Variants in ZC3H14 observed in about 807,000 individuals in gnomAD.
ZC3H14 encodes the protein zinc finger CCCH-type containing 14.
A neutral mutation model predicts 92.4 loss-of-function variants in ZC3H14; 31 were observed. The observed-to-expected ratio is 0.34, with a 90% CI of 0.25 to 0.45. The LOEUF is 0.45. Among genes scored for constraint, ZC3H14 ranks in the 20% least tolerant of loss-of-function variants. ZC3H14 has a pLI of 1.00. For missense variants in ZC3H14, 781 were observed against 897.3 expected, an observed-to-expected ratio of 0.87 and a Z score of 1.66; for synonymous variants, 321 against 300.9, an observed-to-expected ratio of 1.07 and a Z score of -0.69.
intron 3 of ZC3H14, among the ~76,000 whole-genome samples, chr14:88,570,461 G>A (rs1483466575): frequency 6.6e-6 from 1 of 152,194 alleles, no homozygotes; most frequent in Non-Finnish European, 1.5e-5. Flanking sequence ...ATATAGCATA[G>A]TTTGAGATTA....
Position 88,627,039 on chromosome 14 carries a change from T to C in ZC3H14, c.*15288T>C. 1 of 1,613,768 alleles carries C rather than the reference T, an allele frequency of 6.2e-7. No homozygotes were observed. The highest frequency in any genetic ancestry group is 1.7e-5 in the Admixed American group (1 of 60,008). Reference sequence around the variant, plus strand: ...GATTGTGACCAGCTCTGCTGGCAATTTTGGCACCTGACAAGATACAACAAA... The same window carrying C: ...GATTGTGACCAGCTCTGCTGGCAATCTTGGCACCTGACAAGATACAACAAA... On this transcript the variant is annotated 3_prime_UTR_variant, in exon 17 of 17. Coordinates refer to ENST00000251038, the MANE Select transcript of ZC3H14 (RefSeq NM_024824.5).
In ZC3H14 at chr14:88,618,074, G is replaced by C. The variant is rs1291547500; in HGVS notation, c.*6323G>C. The C allele has an allele frequency of 2.2e-6, 1 of 452,002 alleles. No individual in the cohort carries two copies. Among genetic ancestry groups the C allele is most frequent in the Non-Finnish European group, 3.8e-6 (1 of 259,798 alleles). 28.0% of individuals were successfully genotyped at this position (452,002 alleles called of 1,614,324 possible). A position where few individuals can be genotyped will look rare whatever the true frequency, so the allele number is the denominator to read the frequency against. On this transcript the variant is annotated 3_prime_UTR_variant, in exon 17 of 17. Transcript: ENST00000251038. ...CATGGAAATATATTCAATAAAAAGG[G>C]GTCCCAACATGAACATACCATTTCA...
chr14:88,595,125 A>G (rs551057447), intron 9 of ZC3H14: 1 of 1,605,486 alleles, frequency 6.2e-7, no homozygotes, highest in East Asian at 2.2e-5. Flanking sequence ...AACTCTTAAT[A>G]TATGATATGT....
intron 9 of ZC3H14, among the ~76,000 whole-genome samples, chr14:88,581,224 G>A (rs1404516970): frequency 1.3e-5 from 2 of 152,162 alleles, no homozygotes; most frequent in Admixed American, 6.5e-5. Context: ...ATCATCTGTA[G>A]TTCCCAGATT....
Position 88,615,270 on chromosome 14 carries a change from A to G in ZC3H14, c.*3519A>G, listed in dbSNP as rs2087419019. ...AGGACCTTATTAATGCCTAAAAAAC[A>G]TCATATTCTCTAGGAAAGCTTGTGT... On this transcript the variant is annotated 3_prime_UTR_variant, in exon 17 of 17. Coordinates refer to ENST00000251038, the MANE Select transcript of ZC3H14 (RefSeq NM_024824.5). The G allele has an allele frequency of 6.6e-6, 1 of 152,216 alleles. No homozygotes were observed. The highest frequency in any genetic ancestry group is 2.4e-5 in the African/African-American group (1 of 41,430). The allele number at this position is 152,216 out of a possible 1,614,324, so 9.4% of individuals were successfully genotyped here.
In ZC3H14 at chr14:88,622,623, C is replaced by T. The variant is rs2089207965; in HGVS notation, c.*10872C>T. The T allele has an allele frequency of 4.4e-6, 7 of 1,608,044 alleles. No individual in the cohort carries two copies. The highest frequency in any genetic ancestry group is 1.7e-5 in the Admixed American group (1 of 59,236). On this transcript the variant is annotated 3_prime_UTR_variant, in exon 17 of 17. Transcript: ENST00000251038. Reference sequence around the variant, plus strand: ...TCTTACTTTGCCTCTGCACACAGAACGAACACAATCTGTGGCTTGTCCTGT... The same window carrying T: ...TCTTACTTTGCCTCTGCACACAGAATGAACACAATCTGTGGCTTGTCCTGT...
At chr14:88,602,287 A>G (rs1696805290) in intron 11 of ZC3H14, among the ~76,000 whole-genome samples, 3 of 152,198 alleles carry the variant, frequency 2.0e-5, no homozygotes, top group Admixed American at 2.0e-4. Context: ...CCATTAACCT[A>G]CAAATTACAA....
chr14:88,572,878 C>G lies in ZC3H14; in HGVS notation c.732C>G (p.Ala244=). The change falls in exon 6 of 17, where the codon GCC becomes GCG. Residue 244 remains alanine, a synonymous_variant. Transcript: ENST00000251038. ...AGCAGCAGAATAGTATTCATGCTGC[C>G]AAGCAGCTTGATATGCAGAGTAGTT... ...FQQQQNSIHA[A]KQLDMQSSWV... 6.2e-7 allele frequency: 1 copy of G among 1,614,108 alleles called. No homozygotes were observed. The highest frequency in any genetic ancestry group is 8.5e-7 in the Non-Finnish European group (1 of 1,180,028).
intron 3 of ZC3H14, among the ~76,000 whole-genome samples, chr14:88,570,844 G>A (rs756713540): frequency 7.9e-5 from 12 of 152,092 alleles, no homozygotes; most frequent in Admixed American, 2.0e-4. Context: ...AGCTAGGTGC[G>A]GTGGCTCACG....
intron 8 of ZC3H14, among the ~76,000 whole-genome samples, 174 bp from the exon 9 acceptor site, chr14:88,577,811 C>G (rs1293245305): frequency 2.0e-5 from 3 of 152,122 alleles, no homozygotes; most frequent in Non-Finnish European, 4.4e-5. Flanking sequence ...CTCAAGTGAT[C>G]CACCCACCTT....
At chr14:88,568,789 C>G (rs2080020201) in intron 3 of ZC3H14, among the ~76,000 whole-genome samples, 4 of 152,156 alleles carry the variant, frequency 2.6e-5, no homozygotes, top group Admixed American at 2.6e-4. Flanking sequence ...ATCAAATGGG[C>G]TAATATGTGT....
intron 9 of ZC3H14, among the ~76,000 whole-genome samples, chr14:88,584,993 A>G (rs960566276): frequency 2.0e-5 from 3 of 152,234 alleles, no homozygotes; most frequent in Admixed American, 2.0e-4. Flanking sequence ...CTGCCACTGC[A>G]GCTACGTTGG....
intron 16 of ZC3H14, among the ~76,000 whole-genome samples, chr14:88,611,258 G>A (rs1271661771): frequency 6.6e-6 from 1 of 152,114 alleles, no homozygotes; most frequent in Admixed American, 6.6e-5. Flanking sequence ...GAGACTACAA[G>A]CGTGTGCCTC....
At chr14:88,601,091 C>A (rs1462906288) in intron 10 of ZC3H14, among the ~76,000 whole-genome samples, 1 of 152,108 alleles carries the variant, frequency 6.6e-6, no homozygotes, top group Admixed American at 6.6e-5. Context: ...TTCTCAGCAC[C>A]TTGTTCACAT....
At position 88,627,005 on chromosome 14, in the gene ZC3H14, A is replaced by G; in HGVS notation, c.*15254A>G. Reference sequence around the variant, plus strand: ...GAATCTGGTCGGAATTCTGCCACAAAAATACGTTGATTGTGACCAGCTCTG... The same window carrying G: ...GAATCTGGTCGGAATTCTGCCACAAGAATACGTTGATTGTGACCAGCTCTG... On this transcript the variant is annotated 3_prime_UTR_variant, in exon 17 of 17. Coordinates refer to ENST00000251038, the MANE Select transcript of ZC3H14 (RefSeq NM_024824.5). 1 of 1,613,976 alleles carries G rather than the reference A, an allele frequency of 6.2e-7. No homozygotes were observed. The highest frequency in any genetic ancestry group is 2.2e-5 in the East Asian group (1 of 44,884).
At chr14:88,569,784 A>C (rs886895838) in intron 3 of ZC3H14, among the ~76,000 whole-genome samples, 7 of 152,212 alleles carry the variant, frequency 4.6e-5, no homozygotes, top group Admixed American at 2.6e-4. Flanking sequence ...CTGTATGCTT[A>C]TCAACCGTCT....
chr14:88,618,635 GTA>G lies in ZC3H14; in HGVS notation c.*6886_*6887del, dbSNP rs769608854. Reference sequence around the variant, plus strand: ...GAAGAACTTGCCACCTGGGTATACAGTATTGGTACTGTACCTGGAGATAACTG... The same window carrying G: ...GAAGAACTTGCCACCTGGGTATACAGTTGGTACTGTACCTGGAGATAACTG... On this transcript the variant is annotated 3_prime_UTR_variant, in exon 17 of 17. Transcript: ENST00000251038. The G allele has an allele frequency of 1.1e-5, 17 of 1,610,132 alleles. No individual in the cohort carries two copies. Among genetic ancestry groups the G allele is most frequent in the African/African-American group, 2.7e-5 (2 of 74,820 alleles).
chr14:88,627,261 G>A lies in ZC3H14; in HGVS notation c.*15510G>A, dbSNP rs1033703730. 6 of 570,898 alleles carry A rather than the reference G, an allele frequency of 1.1e-5. No individual in the cohort carries two copies. Among genetic ancestry groups the A allele is most frequent in the East Asian group, 2.9e-5 (1 of 34,458 alleles). 35.4% of individuals were successfully genotyped at this position (570,898 alleles called of 1,614,324 possible). A position where few individuals can be genotyped will look rare whatever the true frequency, so the allele number is the denominator to read the frequency against. On this transcript the variant is annotated 3_prime_UTR_variant, in exon 17 of 17. Coordinates refer to ENST00000251038, the MANE Select transcript of ZC3H14 (RefSeq NM_024824.5). ...CTCCATTAACTTTTCTTTATATAAC[G>A]TAAATGTTTTGTCTAAAGTGTGGTA...
chr14:88,578,088 T>C lies in ZC3H14; in HGVS notation c.1227T>C (p.Ser409=), dbSNP rs762969334. ...VQGQSRTPRI[S]PPIKEEETKG... ...GACAAAGTAGGACCCCCAGAATAAGTCCCCCCATTAAAGAAGAGGAAACAA... is the reference window on the plus strand; with the variant it reads ...GACAAAGTAGGACCCCCAGAATAAGCCCCCCCATTAAAGAAGAGGAAACAA... Residue 409 remains serine, a synonymous_variant, in exon 9 of 17, where the codon AGT becomes AGC. Coordinates refer to ENST00000251038, the MANE Select transcript of ZC3H14 (RefSeq NM_024824.5). 3.1e-6 allele frequency: 5 copies of C among 1,612,692 alleles called. No homozygotes were observed. The highest frequency in any genetic ancestry group is 1.7e-5 in the Admixed American group (1 of 59,832).
Sources: allele counts gnomAD v4.1 joint callset (sites outside exome capture counted in the v4.1 genomes callset), GRCh38; gene constraint gnomAD v4.1.1; transcripts MANE v1.5; gene names NCBI Gene and HGNC (gene_info 2026-07-23, HGNC 2026-07-21).